The following HNRNPK variants were observed in gnomAD, a reference collection of about 807,000 sequenced individuals.
HNRNPK encodes dC-stretch binding protein.
In HNRNPK, 7 loss-of-function variants were observed where a neutral mutation model predicts 67.0. The ratio of observed to expected loss-of-function variants is 0.10; its 90% CI spans 0.06 to 0.20. HNRNPK has a LOEUF of 0.20. Ranked by LOEUF, HNRNPK falls within the 10% of genes least tolerant of loss-of-function variation. The probability of loss-of-function intolerance (pLI) is 1.00; values close to 1 mark genes in which losing one functional copy is unlikely to be tolerated. For synonymous variants in HNRNPK, 213 were observed against 193.7 expected, an observed-to-expected ratio of 1.10 and a Z score of -0.83; for missense variants, 264 against 606.5, an observed-to-expected ratio of 0.44 and a Z score of 5.93.
chr9:83,971,749 A>G, intron 11 of HNRNPK, 23 bp from the exon 12 acceptor site: 10 of 1,610,586 alleles, frequency 6.2e-6, no homozygotes, highest in Non-Finnish European at 7.6e-6. Context: ...TACTTGTTGT[A>G]ATCTAAACGT....
In HNRNPK at chr9:83,972,145, G is replaced by A. The variant is rs200783060; in HGVS notation, c.690C>T (p.Tyr230=). 30 of 1,612,984 alleles carry A rather than the reference G, an allele frequency of 1.9e-5. No individual in the cohort carries two copies. Among genetic ancestry groups the A allele is most frequent in the East Asian group, 2.2e-5 (1 of 44,876 alleles). Residue 230 remains tyrosine, a synonymous_variant, in exon 11 of 17, where the codon TAC becomes TAT. Transcript: ENST00000376263. Reference sequence around the variant, plus strand: ...AACCACCATAATCATAGGTTTCATCGTAAAAATTGGGATCATAAGGCTGTG... The same window carrying A: ...AACCACCATAATCATAGGTTTCATCATAAAAATTGGGATCATAAGGCTGTG... ...GRAQPYDPNF[Y]DETYDYGGFT... is the part of the protein sequence containing the mutation.
intron 16 of HNRNPK, 98 bp downstream of exon 16, chr9:83,970,064 G>C: frequency 3.1e-6 from 3 of 973,642 alleles, no homozygotes; most frequent in Non-Finnish European, 4.6e-6. Context: ...AAAAGGTTGA[G>C]ACACCATGGC....
intron 5 of HNRNPK, chr9:83,976,763 ACT>A: frequency 2.6e-6 from 1 of 378,950 alleles, no homozygotes; most frequent in Non-Finnish European, 4.7e-6. Context: ...AATTTGGTGG[ACT>A]CTTATTAAAA....
chr9:83,972,785 C>A, intron 10 of HNRNPK, 59 bp downstream of exon 10: 1 of 1,355,092 alleles, frequency 7.4e-7, no homozygotes, highest in Non-Finnish European at 1.0e-6. Flanking sequence ...GCTACTTTTG[C>A]AGAAGGTTAT....
intron 10 of HNRNPK, 87 bp downstream of exon 10, chr9:83,972,757 T>C: frequency 1.0e-6 from 1 of 964,734 alleles, no homozygotes; most frequent in East Asian, 2.7e-5. Context: ...TAAAGACTAT[T>C]AGACTAAATG....
chr9:83,969,485 G>C (rs375224773), intron 16 of HNRNPK, 45 bp from the exon 17 acceptor site: 1 of 1,231,902 alleles, frequency 8.1e-7, no homozygotes, highest in Non-Finnish European at 1.2e-6. Context: ...ATTTTTGCTC[G>C]TAACATCTTA....
chr9:83,968,720 C>A lies in HNRNPK; in HGVS notation c.*687G>T, dbSNP rs751560330. The A allele has an allele frequency of 6.6e-6, 1 of 152,636 alleles. No individual in the cohort carries two copies. The highest frequency in any genetic ancestry group is 1.5e-5 in the Non-Finnish European group (1 of 68,032). 9.5% of individuals were successfully genotyped at this position (152,636 alleles called of 1,614,324 possible). ...GATGGAATTTCTTCCCAGCAATAGA[C>A]TTCCAAACCATCAAGAAATCACCAG... is the stretch of plus-strand genomic sequence containing the variant. On this transcript the variant is annotated 3_prime_UTR_variant, in exon 17 of 17. Transcript: ENST00000376263.
chr9:83,970,787 C>A lies in HNRNPK; in HGVS notation c.1141G>T (p.Gly381Cys). ...YSYAGGRGSY[G>C]DLGGPIITTQ... is the part of the protein sequence containing the mutation. ...GTAATAATAGGTCCACCAAGATCAC[C>A]ATATGAGCCACGACCCCCTGCATAG... Residue 381 changes from glycine to cysteine, a missense_variant, in exon 15 of 17, where the codon GGT becomes TGT. This residue lies in a region of HNRNPK where 142 missense variants were observed against 256.5 expected (regional missense o/e 0.55). Coordinates refer to ENST00000376263, the MANE Select transcript of HNRNPK (RefSeq NM_031263.4). 6.2e-7 allele frequency: 1 copy of A among 1,610,808 alleles called. No individual in the cohort carries two copies. Among genetic ancestry groups the A allele is most frequent in the Non-Finnish European group, 8.5e-7 (1 of 1,177,128 alleles).
rs142106496 is a variant in HNRNPK, at chr9:83,978,810, T to C, written c.-107-358A>G. On this transcript the variant is annotated intron_variant, in intron 1 of 16. Coordinates refer to ENST00000376263, the MANE Select transcript of HNRNPK (RefSeq NM_031263.4). ...TCTTATTCACTGGGAAAACTAATTT[T>C]ATATTAAAACTTCCAATTGCTTTCC... Among the ~76,000 whole-genome samples the C allele has an allele frequency of 6.6e-3, 1,002 of 152,368 alleles. 25 individuals are homozygous for C. Among genetic ancestry groups the C allele is most frequent in the East Asian group, 0.011 (55 of 5,192 alleles).
rs187424993 is a variant in HNRNPK at position 83,971,527 on chromosome 9, A to T, written c.1008+145T>A. On this transcript the variant is annotated intron_variant, in intron 12 of 16. Coordinates refer to ENST00000376263, the MANE Select transcript of HNRNPK (RefSeq NM_031263.4). ...ATAAAGTCGTAATCCTCCAGCAGCA[A>T]ATAACAGAATTATTTAACTAGTAAT... is the stretch of plus-strand genomic sequence containing the variant. The T allele has an allele frequency of 3.0e-3, 2,430 of 821,848 alleles. 45 individuals are homozygous for T. The African/African-American group carries it at 0.036, about 12-fold the overall frequency. The allele number at this position is 821,848 out of a possible 1,614,324, so 50.9% of individuals were successfully genotyped here. A position where few individuals can be genotyped will look rare whatever the true frequency, so the allele number is the denominator to read the frequency against.
rs140053931 is a variant in HNRNPK, at chr9:83,973,064, AC to A, written c.517-93del. The A allele has an allele frequency of 9.0e-3, 8,240 of 913,088 alleles. 388 individuals carry two copies. The African/African-American group carries it at 0.11, about 12-fold the overall frequency. 56.6% of individuals were successfully genotyped at this position (913,088 alleles called of 1,614,324 possible). ...AAATTGCATTTGAATTCAACAATTA[AC>A]CCCCCACAATATAAAAACTTCATTA... On this transcript the variant is annotated intron_variant, in intron 9 of 16. Coordinates refer to ENST00000376263, the MANE Select transcript of HNRNPK (RefSeq NM_031263.4).
At chr9:83,977,344 G>A (rs1308415349) in intron 4 of HNRNPK, among the ~76,000 whole-genome samples, 1 of 152,158 alleles carries the variant, frequency 6.6e-6, no homozygotes, top group East Asian at 1.9e-4. Flanking sequence ...AATTAATTTA[G>A]TATTAGTAGG....
At chr9:83,973,834 T>C in intron 8 of HNRNPK, 68 bp downstream of exon 8, 1 of 1,191,998 alleles carries the variant, frequency 8.4e-7, no homozygotes, top group Non-Finnish European at 1.2e-6. Context: ...CACACTATGT[T>C]AAAAATATAA....
chr9:83,973,006 T>G, intron 9 of HNRNPK, 34 bp from the exon 10 acceptor site: 2 of 1,490,302 alleles, frequency 1.3e-6, no homozygotes, highest in Non-Finnish European at 1.8e-6. Context: ...ATAATAATAA[T>G]TAGAAGAAAA....
At chr9:83,972,511 C>G (rs1033159674) in intron 10 of HNRNPK, among the ~76,000 whole-genome samples, 28 of 152,186 alleles carry the variant, frequency 1.8e-4, no homozygotes, top group Non-Finnish European at 3.2e-4. Context: ...CATTTCACAA[C>G]AAGGGCTGAA....
rs769896860 is a variant in HNRNPK at position 83,971,242 on chromosome 9, G to A, written c.1092+31C>T. On this transcript the variant is annotated intron_variant, in intron 13 of 16. Transcript: ENST00000376263. ...CAGGTAAGCATCTTAAATTATCACT[G>A]ATATACACACGAACAACTATGATAC... 2.9e-6 allele frequency: 4 copies of A among 1,361,170 alleles called. No homozygotes were observed. In the East Asian group the frequency reaches 9.1e-5, roughly 31 times the overall value. 84.3% of individuals were successfully genotyped at this position (1,361,170 alleles called of 1,614,324 possible). A position where few individuals can be genotyped will look rare whatever the true frequency, so the allele number is the denominator to read the frequency against.
At position 83,969,029 on chromosome 9, in the gene HNRNPK, T is replaced by TC; in HGVS notation, c.*377dup. 2.7e-6 allele frequency: 1 copy of TC among 369,772 alleles called. No homozygotes were observed. The highest frequency in any genetic ancestry group is 4.9e-6 in the Non-Finnish European group (1 of 204,270). The allele number at this position is 369,772 out of a possible 1,614,324, so 22.9% of individuals were successfully genotyped here. ...GGACTATTGTTACTTTTCCTCCCTGTCCCACCCCCCAAATGTTACAGTGAC... is the reference window on the plus strand; with the variant it reads ...GGACTATTGTTACTTTTCCTCCCTGTCCCCACCCCCCAAATGTTACAGTGAC... On this transcript the variant is annotated 3_prime_UTR_variant, in exon 17 of 17. Transcript: ENST00000376263.
At chr9:83,975,816 AAG>A in intron 5 of HNRNPK, 1 of 391,406 alleles carries the variant, frequency 2.6e-6, no homozygotes, top group Non-Finnish European at 4.8e-6. Flanking sequence ...AGTTGTTCTG[AAG>A]ACTAACACAA....
intron 9 of HNRNPK, 124 bp downstream of exon 9, chr9:83,973,162 T>C: frequency 2.6e-6 from 2 of 766,970 alleles, no homozygotes; most frequent in Non-Finnish European, 4.4e-6. Flanking sequence ...AGACATTTTT[T>C]GTCATTTGCG....
Sources: allele counts gnomAD v4.1 joint callset (sites outside exome capture counted in the v4.1 genomes callset), GRCh38; gene constraint gnomAD v4.1.1; regional missense constraint gnomAD v4.1.1; transcripts MANE v1.5; gene names NCBI Gene and HGNC (gene_info 2026-07-23, HGNC 2026-07-21).